Variants in ZFYVE26 observed in about 807,000 individuals in gnomAD.
The protein encoded by ZFYVE26 is zinc finger FYVE domain-containing protein 26.
ZFYVE26 carries 181 observed loss-of-function variants against 276.5 expected under a neutral mutation model. The observed-to-expected ratio is 0.65, with a 90% confidence interval of 0.58 to 0.74. The LOEUF is 0.74. ZFYVE26 is among the 30% of genes least tolerant of loss of function. The pLI, the probability that ZFYVE26 is intolerant of heterozygous loss-of-function variation, is 0.00. For missense variants in ZFYVE26, 2,821 were observed against 3,097.9 expected (o/e 0.91, Z 2.12); for synonymous variants, 1,129 against 1,203.1 (o/e 0.94, Z 1.27).
chr14:67,784,465 T>C lies in ZFYVE26; in HGVS notation c.3524-29A>G, dbSNP rs76517893. On this transcript the variant is annotated intron_variant, in intron 19 of 41. Coordinates refer to ENST00000347230, the MANE Select transcript of ZFYVE26 (RefSeq NM_015346.4). ...CAAAGGTAAAGAACATGATCTTTGT[T>C]TGCACCACTGACTGCAAGAGTTCAG... 1.4e-4 allele frequency: 215 copies of C among 1,591,336 alleles called. No homozygotes were observed. The East Asian group carries it at 4.4e-3, about 33-fold the overall frequency.
rs1348154009 is a variant in ZFYVE26, at chr14:67,756,107, T to C, written c.6627A>G (p.Gln2209=). 1 of 1,614,090 alleles carries C rather than the reference T, an allele frequency of 6.2e-7. No homozygotes were observed. Among genetic ancestry groups the C allele is most frequent in the African/African-American group, 1.3e-5 (1 of 74,926 alleles). ...GTAGCTTCCCACTTTTATAGCTTGGTTGGAAAATGCCTTCTATAAAAACTT... is the reference window on the plus strand; with the variant it reads ...GTAGCTTCCCACTTTTATAGCTTGGCTGGAAAATGCCTTCTATAAAAACTT... ...PPEVFIEGIF[Q]PSYKSGKLHT... The change falls in exon 36 of 42, where the codon CAA becomes CAG. Residue 2209 remains glutamine, a synonymous_variant. Transcript: ENST00000347230.
rs200809711 is a variant in ZFYVE26 at position 67,790,782 on chromosome 14, G to A, written c.2554-9C>T. The A allele has an allele frequency of 6.2e-7, 1 of 1,613,628 alleles. No homozygotes were observed. The highest frequency in any genetic ancestry group is 2.2e-5 in the East Asian group (1 of 44,874). On this transcript the variant is annotated splice_polypyrimidine_tract_variant and intron_variant, in intron 14 of 41. Coordinates refer to ENST00000347230, the MANE Select transcript of ZFYVE26 (RefSeq NM_015346.4). Reference sequence around the variant, plus strand: ...TTGAACGTGAACAGCACCTGTCATAGGAGAGGGAGTGTGTGGGCCCTGGTG... The same window carrying A: ...TTGAACGTGAACAGCACCTGTCATAAGAGAGGGAGTGTGTGGGCCCTGGTG...
chr14:67,770,009 AAAAAGTAGTGG>A (rs1594898891), intron 28 of ZFYVE26: 7 of 484,538 alleles, frequency 1.4e-5, no homozygotes, highest in Non-Finnish European at 2.3e-5. Flanking sequence ...GAAAAACAAG[AAAAAGTAGTGG>A]AGAAGAAGTC....
intron 13 of ZFYVE26, chr14:67,733,924 A>T: frequency 1.8e-6 from 2 of 1,099,186 alleles, no homozygotes; most frequent in Non-Finnish European, 2.8e-6. Flanking sequence ...GGCCAACCCT[A>T]AAGGATTGTC....
At chr14:67,765,272 A>T (rs1033167467) in intron 32 of ZFYVE26, among the ~76,000 whole-genome samples, 11 of 152,220 alleles carry the variant, frequency 7.2e-5, no homozygotes, top group Admixed American at 7.2e-4. Context: ...AATAAAAATT[A>T]CTAACATTTT....
intron 10 of ZFYVE26, among the ~76,000 whole-genome samples, chr14:67,800,969 C>T (rs2040065962): frequency 8.1e-6 from 1 of 122,774 alleles, no homozygotes; most frequent in Non-Finnish European, 1.7e-5. Flanking sequence ...AAAAGTACAG[C>T]TGGCCATGGG....
intron 40 of ZFYVE26, 21 bp downstream of exon 40, chr14:67,752,323 G>A (rs377426497): frequency 6.2e-6 from 10 of 1,601,938 alleles, no homozygotes; most frequent in Non-Finnish European, 7.7e-6. Context: ...GAGGAGCCAA[G>A]AGGTACGGGA....
rs1003449344 is a variant in ZFYVE26 at position 67,754,060 on chromosome 14, G to A, written c.7128+11C>T. ...CAATAGTCTGCCAGAGGTCTGAAAC[G>A]CTGCATGTACCTTGCAGGCAACATC... On this transcript the variant is annotated intron_variant, in intron 38 of 41. Transcript: ENST00000347230. The A allele has an allele frequency of 1.9e-5, 31 of 1,614,064 alleles. No individual in the cohort carries two copies. The highest frequency in any genetic ancestry group is 6.7e-5 in the East Asian group (3 of 44,898).
chr14:67,792,003 T>A (rs1182094324), intron 14 of ZFYVE26, among the ~76,000 whole-genome samples: 1 of 147,222 alleles, frequency 6.8e-6, no homozygotes, highest in Non-Finnish European at 1.5e-5. Flanking sequence ...AAGACTGCAG[T>A]GAGCCGAGAT....
chr14:67,746,300 C>CAAA (rs11404942), downstream of ZFYVE26, among the ~76,000 whole-genome samples: 1 of 149,404 alleles, frequency 6.7e-6, no homozygotes, highest in Non-Finnish European at 1.5e-5. Flanking sequence ...CCAACTGAAG[C>CAAA]AAAAAAAAAA....
chr14:67,783,572 A>T, intron 20 of ZFYVE26, 47 bp from the exon 21 acceptor site: 1 of 1,600,052 alleles, frequency 6.2e-7, no homozygotes, highest in Non-Finnish European at 8.5e-7. Context: ...ATACACAGGC[A>T]CCATTAACCA....
intron 14 of ZFYVE26, among the ~76,000 whole-genome samples, chr14:67,792,927 A>G (rs984491530): frequency 2.7e-5 from 4 of 149,626 alleles, no homozygotes; most frequent in African/African-American, 7.4e-5. Flanking sequence ...AAAAAAAAAA[A>G]AAAAAAAGAA....
At chr14:67,807,951 G>A in intron 4 of ZFYVE26, 31 bp from the exon 5 acceptor site, 1 of 1,613,778 alleles carries the variant, frequency 6.2e-7, no homozygotes, top group Non-Finnish European at 8.5e-7. Flanking sequence ...AGGATGGGTG[G>A]TGGGCATGCC....
chr14:67,757,269 C>T lies in ZFYVE26; in HGVS notation c.6589-1124G>A, dbSNP rs547558644. ...TTGAAACTGAAGCCAGATCACGTTA[C>T]TCCTCTGCTCACAGTCTCCCAGGGG... On this transcript the variant is annotated intron_variant, in intron 35 of 41. Coordinates refer to ENST00000347230, the MANE Select transcript of ZFYVE26 (RefSeq NM_015346.4). Among the ~76,000 whole-genome samples the T allele has an allele frequency of 3.9e-5, 6 of 152,358 alleles. No individual in the cohort carries two copies. In the East Asian group the frequency reaches 7.7e-4, roughly 20 times the overall value.
At chr14:67,741,107 T>C (rs1160345718) in intron 13 of ZFYVE26, among the ~76,000 whole-genome samples, 1 of 152,150 alleles carries the variant, frequency 6.6e-6, no homozygotes, top group African/African-American at 2.4e-5. Context: ...AATTTGTCTT[T>C]TCTCTTCCCC....
Position 67,798,209 on chromosome 14 carries a change from T to C in ZFYVE26, c.2053A>G (p.Ile685Val), listed in dbSNP as rs1566892945. 1.9e-6 allele frequency: 3 copies of C among 1,614,202 alleles called. No homozygotes were observed. Among genetic ancestry groups the C allele is most frequent in the East Asian group, 2.2e-5 (1 of 44,888 alleles). ...ISGFLADEFA[I>V]GAFLRLLQEQ... ...TGGAGAAGCCTGAGGAAGGCCCCTA[T>C]TGCAAATTCATCAGCCAGAAATCCA... Residue 685 changes from isoleucine to valine, a missense_variant, in exon 11 of 42, where the codon ATA becomes GTA. Coordinates refer to ENST00000347230, the MANE Select transcript of ZFYVE26 (RefSeq NM_015346.4).
intron 27 of ZFYVE26, among the ~76,000 whole-genome samples, chr14:67,774,673 G>A (rs1417163244): frequency 6.6e-6 from 1 of 152,174 alleles, no homozygotes; most frequent in African/African-American, 2.4e-5. Flanking sequence ...TAGAAAAAAG[G>A]AAATAGAATA....
At chr14:67,755,774 T>C (rs2038763105) in intron 36 of ZFYVE26, among the ~76,000 whole-genome samples, 174 bp downstream of exon 36, 1 of 152,202 alleles carries the variant, frequency 6.6e-6, no homozygotes, top group African/African-American at 2.4e-5. Flanking sequence ...AAACTTAGGA[T>C]GGAAATCCTA....
chr14:67,738,152 G>T (rs1423182354), intron 13 of ZFYVE26, among the ~76,000 whole-genome samples: 1 of 151,676 alleles, frequency 6.6e-6, no homozygotes, highest in African/African-American at 2.4e-5. Flanking sequence ...TGGAAGAAAT[G>T]GTGGAGCCAT....
Sources: gnomAD v4.1 joint callset for allele counts (sites outside exome capture counted in the v4.1 genomes callset) on GRCh38, gnomAD v4.1.1 for gene constraint, MANE v1.5 for transcripts, NCBI Gene and HGNC (gene_info 2026-07-23, HGNC 2026-07-21) for gene names.